DTL: variants seen among roughly 807,000 people sequenced by gnomAD.
DTL encodes the protein denticleless protein homolog.
Under a neutral mutation model 87.0 loss-of-function variants are expected in DTL, and 46 were observed. That is an observed-to-expected ratio of 0.53 (90% CI 0.42 to 0.68). DTL has a LOEUF of 0.68. Among genes scored for constraint, DTL ranks in the 30% least tolerant of loss-of-function variants. The pLI is 0.00. For missense variants in DTL, 737 were observed against 869.4 expected (o/e 0.85, Z 1.91); for synonymous variants, 308 against 311.2 (o/e 0.99, Z 0.11).
At chr1:212,101,849 G>A (rs1655634191) in intron 14 of DTL, among the ~76,000 whole-genome samples, 1 of 152,194 alleles carries the variant, frequency 6.6e-6, no homozygotes, top group Non-Finnish European at 1.5e-5. Context: ...TTACAGTGGT[G>A]GAGGCAGAAG....
intron 13 of DTL, among the ~76,000 whole-genome samples, chr1:212,085,123 T>A (rs1655091140): frequency 6.6e-6 from 1 of 152,216 alleles, no homozygotes; most frequent in African/African-American, 2.4e-5. Flanking sequence ...TTTTCGTGTT[T>A]TTGTTTTAAT....
intron 11 of DTL, among the ~76,000 whole-genome samples, chr1:212,072,760 C>CTTTTTTTTTTTTT (rs368207666): frequency 4.8e-5 from 6 of 124,770 alleles, no homozygotes; most frequent in Non-Finnish European, 8.4e-5. Context: ...ATTTACTAAT[C>CTTTTTTTTTTTTT]TTTTTTTTTT....
chr1:212,059,258 A>G (rs528786859), intron 5 of DTL, among the ~76,000 whole-genome samples: 2 of 152,130 alleles, frequency 1.3e-5, no homozygotes, highest in African/African-American at 2.4e-5. Context: ...CATAGATGCA[A>G]AAATCCTCAA....
chr1:212,091,235 A>G (rs1314572719), intron 13 of DTL, among the ~76,000 whole-genome samples: 1 of 152,236 alleles, frequency 6.6e-6, no homozygotes, highest in Non-Finnish European at 1.5e-5. Context: ...GGAAATGTAA[A>G]TCAAAACCAC....
chr1:212,062,180 CA>C (rs1349660397), intron 5 of DTL, among the ~76,000 whole-genome samples: 1 of 152,168 alleles, frequency 6.6e-6, no homozygotes, highest in East Asian at 1.9e-4. Flanking sequence ...ACAGAGCCCT[CA>C]GGTAGCTGTT....
chr1:212,092,752 T>C (rs1340478476), intron 13 of DTL, among the ~76,000 whole-genome samples: 2 of 152,216 alleles, frequency 1.3e-5, no homozygotes, highest in East Asian at 1.9e-4. Context: ...TTTTTTCATA[T>C]AATAACTTTT....
chr1:212,036,848 C>T (rs1009338479), intron 1 of DTL, among the ~76,000 whole-genome samples: 1 of 152,146 alleles, frequency 6.6e-6, no homozygotes, highest in Non-Finnish European at 1.5e-5. Context: ...TCTTTTTCCC[C>T]TTGAAACTAT....
intron 13 of DTL, among the ~76,000 whole-genome samples, chr1:212,090,654 C>G (rs1655254728): frequency 6.6e-6 from 1 of 152,144 alleles, no homozygotes; most frequent in South Asian, 2.1e-4. Context: ...GGGACAGGTA[C>G]ACATACAGAA....
At position 212,103,079 on chromosome 1, in the gene DTL, A is replaced by G; in HGVS notation, c.*139A>G. Reference sequence around the variant, plus strand: ...AGCTGCCTTTTCATTTTTAGACAAAATCTTTTCAACGCTGAAATGTACCTA... The same window carrying G: ...AGCTGCCTTTTCATTTTTAGACAAAGTCTTTTCAACGCTGAAATGTACCTA... On this transcript the variant is annotated 3_prime_UTR_variant, in exon 15 of 15. Coordinates refer to ENST00000366991, the MANE Select transcript of DTL (RefSeq NM_016448.4). The G allele has an allele frequency of 1.9e-6, 1 of 523,706 alleles. No homozygotes were observed. The highest frequency in any genetic ancestry group is 3.1e-5 in the South Asian group (1 of 32,362). The allele number at this position is 523,706 out of a possible 1,614,324, so 32.4% of individuals were successfully genotyped here. A position where few individuals can be genotyped will look rare whatever the true frequency, so the allele number is the denominator to read the frequency against.
intron 1 of DTL, among the ~76,000 whole-genome samples, chr1:212,036,192 G>A (rs1667450930): frequency 6.6e-6 from 1 of 152,128 alleles, no homozygotes; most frequent in Non-Finnish European, 1.5e-5. Flanking sequence ...GCCTTCCAAG[G>A]CCCCTTACAG....
chr1:212,063,104 G>T (rs1206819073), intron 6 of DTL, among the ~76,000 whole-genome samples, 155 bp downstream of exon 6: 1 of 152,060 alleles, frequency 6.6e-6, no homozygotes, highest in Non-Finnish European at 1.5e-5. Flanking sequence ...GATCTTCACT[G>T]AGTGTCCTGA....
intron 5 of DTL, among the ~76,000 whole-genome samples, chr1:212,061,511 AC>A (rs1654307910): frequency 2.0e-5 from 3 of 151,590 alleles, no homozygotes; most frequent in Admixed American, 6.6e-5. Context: ...AAAAAAAAAA[AC>A]AAATAGAATT....
intron 1 of DTL, among the ~76,000 whole-genome samples, chr1:212,038,181 T>C (rs148036477): frequency 2.0e-5 from 3 of 152,344 alleles, no homozygotes; most frequent in Non-Finnish European, 4.4e-5. Flanking sequence ...AAAACCCCTA[T>C]GAACATGGGA....
chr1:212,089,889 C>T (rs112997682), intron 13 of DTL, among the ~76,000 whole-genome samples: 3,087 of 152,270 alleles, frequency 0.02, 33 homozygotes, highest in African/African-American at 0.026. Flanking sequence ...CCTTGTTAAT[C>T]GGCATATTAT....
chr1:212,043,840 A>C (rs1236664796), intron 2 of DTL, among the ~76,000 whole-genome samples: 1 of 152,026 alleles, frequency 6.6e-6, no homozygotes, highest in African/African-American at 2.4e-5. Context: ...AAAAAAAAAA[A>C]AAAAAAGAAA....
chr1:212,047,434 C>T lies in DTL; in HGVS notation c.460+17C>T, dbSNP rs1448997679. On this transcript the variant is annotated intron_variant, in intron 5 of 14. Coordinates refer to ENST00000366991, the MANE Select transcript of DTL (RefSeq NM_016448.4). The stretch of plus-strand genomic sequence containing the variant: ...TTGAGAAAGGTAGGTTTGTGCTTAT[C>T]TTCTTTCATCTCCTTAACCTTCTTT... 6.2e-7 allele frequency: 1 copy of T among 1,613,962 alleles called. No individual in the cohort carries two copies. Among genetic ancestry groups the T allele is most frequent in the East Asian group, 2.2e-5 (1 of 44,896 alleles).
In DTL at chr1:212,041,177, A is replaced by G. The variant is rs1000023006; in HGVS notation, c.53-1816A>G. Among the ~76,000 whole-genome samples, 6 of 152,306 alleles carry G rather than the reference A, an allele frequency of 3.9e-5. No individual in the cohort carries two copies. In the East Asian group the frequency reaches 5.8e-4, roughly 15 times the overall value. ...GTAGCTTAGGGTGGTTCATCAGTGA[A>G]GTGTGTATTGCAGGGATTGCATAAG... On this transcript the variant is annotated intron_variant, in intron 1 of 14. Coordinates refer to ENST00000366991, the MANE Select transcript of DTL (RefSeq NM_016448.4).
chr1:212,097,014 T>G (rs1571984749), intron 13 of DTL, among the ~76,000 whole-genome samples: 1 of 152,222 alleles, frequency 6.6e-6, no homozygotes, highest in Admixed American at 6.5e-5. Flanking sequence ...TAGAACTCCT[T>G]TTAGCAGTTT....
chr1:212,065,018 G>A lies in DTL; in HGVS notation c.628G>A (p.Ala210Thr), dbSNP rs1240031580. The change falls in exon 7 of 15, where the codon GCT becomes ACT. Residue 210 changes from alanine (A) to threonine (T), a missense_variant. By Grantham distance (58) the Ala-to-Thr change is moderately conservative. Coordinates refer to ENST00000366991, the MANE Select transcript of DTL (RefSeq NM_016448.4). Reference sequence around the variant, plus strand: ...GAAGAAACAGAATTCAAAAGGACTTGCTCCTTCTGTGGTAAGGTTTTACAG... The same window carrying A: ...GAAGAAACAGAATTCAAAAGGACTTACTCCTTCTGTGGTAAGGTTTTACAG... ...PKKKQNSKGL[A>T]PSVDFQQSVT... 6.2e-7 allele frequency: 1 copy of A among 1,612,088 alleles called. No individual in the cohort carries two copies. The highest frequency in any genetic ancestry group is 8.5e-7 in the Non-Finnish European group (1 of 1,178,250).
Sources: gnomAD v4.1 joint callset for allele counts (sites outside exome capture counted in the v4.1 genomes callset) on GRCh38, gnomAD v4.1.1 for gene constraint, MANE v1.5 for transcripts, NCBI Gene and HGNC (gene_info 2026-07-23, HGNC 2026-07-21) for gene names.